The following RBFOX1 variants were observed in gnomAD, a reference collection of about 807,000 sequenced individuals.
RBFOX1 encodes the protein RNA binding fox-1 homolog 1.
RBFOX1 carries 8 observed loss-of-function variants against 57.7 expected under a neutral mutation model. The observed-to-expected ratio is 0.14, with a 90% CI of 0.08 to 0.25. RBFOX1 has a LOEUF of 0.25. RBFOX1 is among the 10% of genes least tolerant of loss of function. The probability of loss-of-function intolerance (pLI) is 1.00; values close to 1 mark genes in which losing one functional copy is unlikely to be tolerated. For synonymous variants in RBFOX1, 326 were observed against 222.4 expected (o/e 1.47, Z -4.15); for missense variants, 611 against 548.5 (o/e 1.11, Z -1.14).
chr16:6,731,078 C>G (rs1193079519), intron 3 of RBFOX1, among the ~76,000 whole-genome samples: 1 of 152,136 alleles, frequency 6.6e-6, no homozygotes, highest in Non-Finnish European at 1.5e-5. Context: ...CAGGAATATC[C>G]TTTACCTTTG....
At chr16:5,726,645 C>T (rs911895940) in intron 3 of RBFOX1, among the ~76,000 whole-genome samples, 2 of 152,172 alleles carry the variant, frequency 1.3e-5, no homozygotes, top group Admixed American at 1.3e-4. Context: ...TGTACACTAA[C>T]ACTATTATGT....
intron 10 of RBFOX1, among the ~76,000 whole-genome samples, chr16:7,626,030 G>C (rs574282538): frequency 5.3e-5 from 8 of 152,340 alleles, no homozygotes; most frequent in African/African-American, 1.9e-4. Context: ...GCTGAACTCT[G>C]CCAGACAAAG....
At chr16:7,220,845 C>A (rs756328308) in intron 4 of RBFOX1, among the ~76,000 whole-genome samples, 4 of 152,010 alleles carry the variant, frequency 2.6e-5, no homozygotes, top group Non-Finnish European at 5.9e-5. Context: ...CTCTATCCAC[C>A]CTTAACATCC....
At position 7,346,219 on chromosome 16, in the gene RBFOX1, G is replaced by T. The variant is rs1466541782; in HGVS notation, c.28-171928G>T. 2.0e-5 allele frequency among the ~76,000 whole-genome samples: 3 copies of T among 151,982 alleles called. No homozygotes were observed. The East Asian group carries it at 5.9e-4, about 30-fold the overall frequency. ...ATATGTGCGACATTTTCTTAATCCA[G>T]TCTGTCATTGATGGACATTTGGTTT... On this transcript the variant is annotated intron_variant, in intron 4 of 15. Coordinates refer to ENST00000550418, the MANE Select transcript of RBFOX1 (RefSeq NM_018723.4).
chr16:7,227,714 GCCTGCAGGCTGGCCTGCACGCA>G (rs2152895110), intron 4 of RBFOX1, among the ~76,000 whole-genome samples: 1 of 152,244 alleles, frequency 6.6e-6, no homozygotes, highest in African/African-American at 2.4e-5. Flanking sequence ...CCGTCGCCCT[GCCTGCAGGCTGGCCTGCACGCA>G]GCACCTGGCC....
chr16:6,969,215 G>C (rs1598684086), intron 3 of RBFOX1, among the ~76,000 whole-genome samples: 1 of 152,086 alleles, frequency 6.6e-6, no homozygotes. Flanking sequence ...TCCTTCACCT[G>C]TTATGTGAGA....
intron 2 of RBFOX1, among the ~76,000 whole-genome samples, chr16:6,397,663 T>A (rs916727304): frequency 1.3e-5 from 2 of 152,160 alleles, no homozygotes; most frequent in South Asian, 4.1e-4. Context: ...TCTTTGAAAA[T>A]ATATGTAACT....
chr16:6,252,996 G>C (rs2097631948), intron 1 of RBFOX1, among the ~76,000 whole-genome samples: 1 of 152,112 alleles, frequency 6.6e-6, no homozygotes, highest in Non-Finnish European at 1.5e-5. Context: ...ATCTCTGTGA[G>C]GTAGGAACTA....
At chr16:6,481,393 G>A (rs887494) in intron 2 of RBFOX1, among the ~76,000 whole-genome samples, 104,349 of 152,110 alleles carry the variant, frequency 0.69, 35,917 homozygotes, top group East Asian at 0.8. Context: ...AGGTTGTCAC[G>A]CTCTGTGATT....
intron 3 of RBFOX1, among the ~76,000 whole-genome samples, chr16:7,006,610 T>G (rs553274898): frequency 6.6e-6 from 1 of 152,142 alleles, no homozygotes; most frequent in African/African-American, 2.4e-5. Flanking sequence ...CCACCACACC[T>G]GGCTTGGTTT....
intron 2 of RBFOX1, among the ~76,000 whole-genome samples, chr16:6,325,787 T>G (rs2082303553): frequency 6.6e-6 from 1 of 152,186 alleles, no homozygotes; most frequent in South Asian, 2.1e-4. Context: ...AAACACAAAC[T>G]TTGTCCATGT....
At chr16:6,231,693 C>T (rs1377503591) in intron 1 of RBFOX1, among the ~76,000 whole-genome samples, 2 of 152,210 alleles carry the variant, frequency 1.3e-5, no homozygotes, top group South Asian at 2.1e-4. Flanking sequence ...ATTGATTAGG[C>T]ATGTCTGCCC....
chr16:6,663,306 G>C (rs115303458), intron 3 of RBFOX1, among the ~76,000 whole-genome samples: 2 of 152,186 alleles, frequency 1.3e-5, no homozygotes, highest in African/African-American at 4.8e-5. Flanking sequence ...GTTTGCTGCC[G>C]TGAGGAAGAA....
At chr16:6,473,421 C>G (rs1324478523) in intron 2 of RBFOX1, among the ~76,000 whole-genome samples, 1 of 152,102 alleles carries the variant, frequency 6.6e-6, no homozygotes, top group Non-Finnish European at 1.5e-5. Context: ...TCTCCACTGA[C>G]TCACCCCCAT....
Position 6,585,778 on chromosome 16 carries a change from G to C in RBFOX1, c.-63-68825G>C, listed in dbSNP as rs1261664004. On this transcript the variant is annotated intron_variant, in intron 2 of 15. Coordinates refer to ENST00000550418, the MANE Select transcript of RBFOX1 (RefSeq NM_018723.4). ...TGGTCATCACAGCAAAACTAATTTA[G>C]TTTTTTTCTTCTTTCTTTCTCTCCT... Among the ~76,000 whole-genome samples, 4 of 151,986 alleles carry C rather than the reference G, an allele frequency of 2.6e-5. No individual in the cohort carries two copies. In the East Asian group the frequency reaches 7.8e-4, roughly 29 times the overall value.
intron 4 of RBFOX1, among the ~76,000 whole-genome samples, chr16:7,496,213 A>G (rs1465935875): frequency 1.3e-5 from 2 of 152,166 alleles, no homozygotes; most frequent in Admixed American, 6.5e-5. Flanking sequence ...GCATGATCTC[A>G]GCTCACTGCA....
chr16:6,993,151 CTTTCT>C (rs775174905), intron 3 of RBFOX1, among the ~76,000 whole-genome samples: 4 of 152,172 alleles, frequency 2.6e-5, no homozygotes, highest in Non-Finnish European at 2.9e-5. Flanking sequence ...GTAACACTGA[CTTTCT>C]TTTCTTTGTC....
At chr16:6,718,475 C>G (rs536444161) in intron 3 of RBFOX1, among the ~76,000 whole-genome samples, 1 of 151,458 alleles carries the variant, frequency 6.6e-6, no homozygotes, top group East Asian at 1.9e-4. Flanking sequence ...TAGGTGTTCA[C>G]GGTTGGACAG....
intron 3 of RBFOX1, among the ~76,000 whole-genome samples, chr16:6,882,545 G>A (rs141143733): frequency 1.7e-4 from 26 of 152,222 alleles, no homozygotes; most frequent in African/African-American, 6.0e-4. Flanking sequence ...GCAGTGAGCT[G>A]AGATCGCACC....
Sources: allele counts gnomAD v4.1 joint callset (sites outside exome capture counted in the v4.1 genomes callset), GRCh38; gene constraint gnomAD v4.1.1; transcripts MANE v1.5; gene names NCBI Gene and HGNC (gene_info 2026-07-23, HGNC 2026-07-21).